PRKAR2B: variants seen among roughly 807,000 people sequenced by gnomAD.
The protein encoded by PRKAR2B is protein kinase cAMP-dependent type II regulatory subunit beta, also known as cAMP-dependent protein kinase type II-beta regulatory subunit.
Under a neutral mutation model 49.9 loss-of-function variants are expected in PRKAR2B, and 14 were observed. The observed-to-expected ratio is 0.28, with a 90% CI of 0.19 to 0.44. PRKAR2B has a LOEUF of 0.44. Among genes scored for constraint, PRKAR2B ranks in the 20% least tolerant of loss-of-function variants. The probability of loss-of-function intolerance (pLI) is 1.00; values close to 1 mark genes in which losing one functional copy is unlikely to be tolerated. For missense variants in PRKAR2B, 393 were observed against 537.9 expected (o/e 0.73, Z 2.67); for synonymous variants, 196 against 197.7 (o/e 0.99, Z 0.07).
chr7:107,057,067 A>G (rs759718557), intron 1 of PRKAR2B, among the ~76,000 whole-genome samples: 22 of 152,022 alleles, frequency 1.4e-4, no homozygotes, highest in Non-Finnish European at 2.9e-4. Flanking sequence ...TGCTTTGTCC[A>G]TTTCCATCTT....
chr7:107,047,737 G>A (rs551714334), intron 1 of PRKAR2B, among the ~76,000 whole-genome samples: 1 of 151,990 alleles, frequency 6.6e-6, no homozygotes, highest in Non-Finnish European at 1.5e-5. Flanking sequence ...AGACCTGCTG[G>A]GTCAGTAATT....
chr7:107,138,474 AAC>A (rs1795738204), intron 4 of PRKAR2B, among the ~76,000 whole-genome samples: 1 of 148,492 alleles, frequency 6.7e-6, no homozygotes, highest in African/African-American at 2.5e-5. Flanking sequence ...AGTGCAGTGT[AAC>A]AGTCATGGCT....
intron 1 of PRKAR2B, among the ~76,000 whole-genome samples, chr7:107,055,111 C>A (rs1034776474): frequency 6.6e-6 from 1 of 152,164 alleles, no homozygotes; most frequent in East Asian, 1.9e-4. Flanking sequence ...TGGTTTCCAG[C>A]TTCATCCATG....
intron 1 of PRKAR2B, among the ~76,000 whole-genome samples, chr7:107,062,671 G>A (rs888466776): frequency 1.3e-5 from 2 of 151,956 alleles, no homozygotes; most frequent in South Asian, 2.1e-4. Flanking sequence ...TCATTGAATT[G>A]TACATTTTAT....
At chr7:107,106,980 TCTC>T (rs1795084625) in intron 2 of PRKAR2B, among the ~76,000 whole-genome samples, 2 of 152,158 alleles carry the variant, frequency 1.3e-5, no homozygotes, top group South Asian at 2.1e-4. Flanking sequence ...ATAAGGGGCC[TCTC>T]CTCATTTTTC....
intron 2 of PRKAR2B, among the ~76,000 whole-genome samples, chr7:107,081,220 G>A (rs1469171845): frequency 1.3e-5 from 2 of 152,114 alleles, no homozygotes; most frequent in East Asian, 3.9e-4. Context: ...ATTGTTATTT[G>A]TGGGGGAGAG....
chr7:107,101,200 G>GT lies in PRKAR2B; in HGVS notation c.344-20751dup, dbSNP rs1321908584. Among the ~76,000 whole-genome samples, 4 of 142,966 alleles carry GT rather than the reference G, an allele frequency of 2.8e-5. No individual in the cohort carries two copies. The South Asian group carries it at 6.6e-4, about 23-fold the overall frequency. The allele number at this position is 142,966 out of a possible 152,430, so 93.8% of individuals were successfully genotyped here. On this transcript the variant is annotated intron_variant, in intron 2 of 10. Coordinates refer to ENST00000265717, the MANE Select transcript of PRKAR2B (RefSeq NM_002736.3). Reference sequence around the variant, plus strand: ...ATCTGTATGCTCTGTCTTTGCCATGGTATGTGGCTGCTAATGTTTCTGCTT... The same window carrying GT: ...ATCTGTATGCTCTGTCTTTGCCATGGTTATGTGGCTGCTAATGTTTCTGCTT...
chr7:107,066,301 G>GGGGTGTGTGT (rs147673007), intron 1 of PRKAR2B, among the ~76,000 whole-genome samples: 183 of 145,606 alleles, frequency 1.3e-3, no homozygotes, highest in African/African-American at 3.0e-3. Context: ...CTCTATGTGG[G>GGGGTGTGTGT]GTGTGTGTGT....
At chr7:107,158,711 A>G (rs1034858162) in intron 10 of PRKAR2B, among the ~76,000 whole-genome samples, 1 of 152,188 alleles carries the variant, frequency 6.6e-6, no homozygotes, top group Non-Finnish European at 1.5e-5. Flanking sequence ...ACATATTGCC[A>G]GATTACTTGT....
intron 10 of PRKAR2B, among the ~76,000 whole-genome samples, chr7:107,157,588 A>G (rs1796117294): frequency 6.6e-6 from 1 of 152,210 alleles, no homozygotes; most frequent in Admixed American, 6.5e-5. Context: ...AGTTCCAAGT[A>G]CCACGTTTTA....
intron 5 of PRKAR2B, among the ~76,000 whole-genome samples, chr7:107,143,117 A>G (rs1187685032): frequency 6.6e-6 from 1 of 152,178 alleles, no homozygotes; most frequent in Non-Finnish European, 1.5e-5. Context: ...CTGGACTGAT[A>G]GCTCATTTTA....
chr7:107,108,879 C>G (rs953741360), intron 2 of PRKAR2B, among the ~76,000 whole-genome samples: 3 of 152,192 alleles, frequency 2.0e-5, no homozygotes, highest in African/African-American at 7.2e-5. Context: ...GAGTTCTTGG[C>G]TTTGCTCAGG....
intron 1 of PRKAR2B, among the ~76,000 whole-genome samples, chr7:107,054,381 A>C (rs1378886278): frequency 1.3e-5 from 2 of 151,982 alleles, no homozygotes; most frequent in East Asian, 3.9e-4. Context: ...AAACCACGGT[A>C]TATAGCGGCA....
intron 2 of PRKAR2B, among the ~76,000 whole-genome samples, chr7:107,088,198 C>T (rs1357880642): frequency 1.3e-5 from 2 of 152,128 alleles, no homozygotes; most frequent in South Asian, 4.1e-4. Flanking sequence ...GTGAGCCACT[C>T]GTTGGAGGTG....
chr7:107,093,726 T>C (rs1156933435), intron 2 of PRKAR2B, among the ~76,000 whole-genome samples: 1 of 147,230 alleles, frequency 6.8e-6, no homozygotes, highest in African/African-American at 2.5e-5. Context: ...GTGTTCTCAT[T>C]GTTCAATTCC....
At chr7:107,143,299 T>C (rs1795822999) in intron 5 of PRKAR2B, among the ~76,000 whole-genome samples, 1 of 152,252 alleles carries the variant, frequency 6.6e-6, no homozygotes, top group South Asian at 2.1e-4. Context: ...AGCATCAACA[T>C]GATGGCACAA....
chr7:107,142,052 C>T (rs1795799286), intron 5 of PRKAR2B, among the ~76,000 whole-genome samples: 1 of 152,120 alleles, frequency 6.6e-6, no homozygotes, highest in African/African-American at 2.4e-5. Flanking sequence ...GTTCATGAGA[C>T]AATTGGCATC....
At chr7:107,051,661 A>G (rs868449971) in intron 1 of PRKAR2B, among the ~76,000 whole-genome samples, 1 of 152,236 alleles carries the variant, frequency 6.6e-6, no homozygotes, top group Non-Finnish European at 1.5e-5. Context: ...AAATAAGAAA[A>G]TCAGAACTAT....
At chr7:107,077,714 C>G (rs934810351) in intron 2 of PRKAR2B, 1 of 152,152 alleles carries the variant, frequency 6.6e-6, no homozygotes, top group African/African-American at 2.4e-5. Context: ...CCAGGAGAGG[C>G]TGTATAGGCT....
Sources: allele counts gnomAD v4.1 joint callset (sites outside exome capture counted in the v4.1 genomes callset), GRCh38; gene constraint gnomAD v4.1.1; transcripts MANE v1.5; gene names NCBI Gene and HGNC (gene_info 2026-07-23, HGNC 2026-07-21).